The following PDE10A variants were observed in gnomAD, a reference collection of about 807,000 sequenced individuals.
The protein encoded by PDE10A is phosphodiesterase 10A.
PDE10A carries 39 observed loss-of-function variants against 97.7 expected under a neutral mutation model. That is an observed-to-expected ratio of 0.40 (90% CI 0.31 to 0.52). PDE10A has a LOEUF of 0.52. PDE10A is among the 20% of genes least tolerant of loss of function. The probability of loss-of-function intolerance (pLI) is 0.56; values close to 1 mark genes in which losing one functional copy is unlikely to be tolerated. For synonymous variants in PDE10A, 371 were observed against 376.8 expected (o/e 0.98, Z 0.18); for missense variants, 731 against 1,047.8 (o/e 0.70, Z 4.17).
chr6:165,934,179 T>C (rs1235855339), intron 1 of PDE10A, among the ~76,000 whole-genome samples: 2 of 150,220 alleles, frequency 1.3e-5, no homozygotes, highest in African/African-American at 2.5e-5. Flanking sequence ...TTTGTACTTT[T>C]AGTGGAGATG....
At chr6:165,759,588 G>A (rs2128457702) in intron 1 of PDE10A, among the ~76,000 whole-genome samples, 1 of 152,310 alleles carries the variant, frequency 6.6e-6, no homozygotes, top group East Asian at 1.9e-4. Context: ...CTCTCCATGT[G>A]AAGAAAGGAA....
chr6:165,621,391 G>T (rs1788125989), intron 1 of PDE10A, among the ~76,000 whole-genome samples: 1 of 152,022 alleles, frequency 6.6e-6, no homozygotes, highest in Non-Finnish European at 1.5e-5. Context: ...ATTCTTTCTG[G>T]AATTGAAAAA....
rs1021099328 is a variant in PDE10A, at chr6:165,488,752, C to G, written c.995-6409G>C. Among the ~76,000 whole-genome samples, 10 of 152,086 alleles carry G rather than the reference C, an allele frequency of 6.6e-5. 1 individual carries two copies. The highest frequency in any genetic ancestry group is 2.4e-4 in the African/African-American group (10 of 41,420). The stretch of plus-strand genomic sequence containing the variant: ...GAAATAAACTCAGTGTGTTGCGGGG[C>G]ATGGTGGGTGTGAGCTGCAGGCTCC... On this transcript the variant is annotated intron_variant, in intron 2 of 21. Coordinates refer to ENST00000539869, the MANE Select transcript of PDE10A (RefSeq NM_001385079.1).
intron 1 of PDE10A, among the ~76,000 whole-genome samples, chr6:165,609,753 T>C (rs375942651): frequency 0.016 from 2,386 of 152,268 alleles, 50 homozygotes; most frequent in African/African-American, 0.051. Context: ...GAACTCCCAT[T>C]CACAATTGCT....
intron 1 of PDE10A, among the ~76,000 whole-genome samples, chr6:165,750,373 T>C (rs1792969497): frequency 6.6e-6 from 1 of 152,160 alleles, no homozygotes; most frequent in Non-Finnish European, 1.5e-5. Context: ...CTCTCAAAAG[T>C]GCCAGCTCAG....
intron 2 of PDE10A, among the ~76,000 whole-genome samples, chr6:165,521,440 G>C (rs1413302839): frequency 6.6e-6 from 1 of 152,196 alleles, no homozygotes; most frequent in African/African-American, 2.4e-5. Flanking sequence ...CAAAAGCTGG[G>C]ACAGGACTGA....
intron 1 of PDE10A, among the ~76,000 whole-genome samples, chr6:165,658,627 T>C (rs919421583): frequency 1.3e-5 from 2 of 152,228 alleles, no homozygotes; most frequent in Non-Finnish European, 2.9e-5. Flanking sequence ...AGACAACCTA[T>C]GTTATCTTTT....
In PDE10A at chr6:165,902,261, G is replaced by T. The variant is rs1392534525; in HGVS notation, c.-615+85268C>A. Among the ~76,000 whole-genome samples the T allele has an allele frequency of 2.6e-5, 4 of 152,226 alleles. No individual in the cohort carries two copies. In the South Asian group the frequency reaches 8.3e-4, roughly 31 times the overall value. The stretch of plus-strand genomic sequence containing the variant: ...CTGGCCACAGCCCTTGTTTCTCAGA[G>T]ATCTGCAAACAGATGCCATGATTTG... On this transcript the variant is annotated intron_variant, in intron 1 of 19. Coordinates refer to the PDE10A transcript ENST00000366882.
chr6:165,835,545 G>T (rs1197162553), intron 1 of PDE10A, among the ~76,000 whole-genome samples: 2 of 152,222 alleles, frequency 1.3e-5, no homozygotes, highest in Non-Finnish European at 2.9e-5. Context: ...GCTCGTGGAC[G>T]CCCACAGAGC....
At chr6:165,811,751 A>G (rs1779288917) in intron 1 of PDE10A, among the ~76,000 whole-genome samples, 1 of 152,154 alleles carries the variant, frequency 6.6e-6, no homozygotes, top group Non-Finnish European at 1.5e-5. Context: ...AGTTGAAATG[A>G]TCTGGTGTAT....
rs1189373947 is a variant in PDE10A at position 165,422,284 on chromosome 6, C to CACGCATACACACAT, written c.1654-3521_1654-3508dup. On this transcript the variant is annotated intron_variant, in intron 10 of 21. Coordinates refer to ENST00000539869, the MANE Select transcript of PDE10A (RefSeq NM_001385079.1). ...ATACACACACATACGCATACACACA[C>CACGCATACACACAT]ACGCATACACACATACGCATACACA... Among the ~76,000 whole-genome samples, 29 of 142,380 alleles carry CACGCATACACACAT rather than the reference C, an allele frequency of 2.0e-4. 1 individual carries two copies. The highest frequency in any genetic ancestry group is 3.8e-4 in the African/African-American group (14 of 37,322). 93.4% of individuals were successfully genotyped at this position (142,380 alleles called of 152,430 possible). A position where few individuals can be genotyped will look rare whatever the true frequency, so the allele number is the denominator to read the frequency against.
At chr6:165,346,738 C>G (rs1271981978) in intron 18 of PDE10A, among the ~76,000 whole-genome samples, 7 of 152,200 alleles carry the variant, frequency 4.6e-5, no homozygotes, top group African/African-American at 1.7e-4. Context: ...GCCACACACT[C>G]TGTAAACCTG....
At chr6:165,738,347 A>AT (rs1342930894) in intron 1 of PDE10A, among the ~76,000 whole-genome samples, 1 of 151,612 alleles carries the variant, frequency 6.6e-6, no homozygotes, top group Non-Finnish European at 1.5e-5. Context: ...TGAACTCATC[A>AT]TTTTTTATGG....
intron 1 of PDE10A, among the ~76,000 whole-genome samples, chr6:165,626,398 A>G (rs1788388165): frequency 6.6e-6 from 1 of 152,232 alleles, no homozygotes; most frequent in Non-Finnish European, 1.5e-5. Context: ...TGTTAACTCT[A>G]AAAGAAAACT....
intron 1 of PDE10A, among the ~76,000 whole-genome samples, chr6:165,722,099 A>G (rs187739961): frequency 1.3e-5 from 2 of 152,378 alleles, no homozygotes; most frequent in Admixed American, 1.3e-4. Flanking sequence ...AGTGGCACAG[A>G]ATTACTTACG....
At chr6:165,664,015 G>A (rs1403976933), upstream of PDE10A, among the ~76,000 whole-genome samples, 1 of 152,186 alleles carries the variant, frequency 6.6e-6, no homozygotes, top group Non-Finnish European at 1.5e-5. Context: ...CGCGCGGCGG[G>A]GCCACCATGG....
chr6:165,788,915 C>G (rs971772280), intron 1 of PDE10A, among the ~76,000 whole-genome samples: 4 of 152,120 alleles, frequency 2.6e-5, no homozygotes, highest in Non-Finnish European at 5.9e-5. Flanking sequence ...GCACCACCCC[C>G]AGTGTGTGCA....
rs1483820392 is a variant in PDE10A, at chr6:165,388,917, A to AG, written c.2455-465dup. On this transcript the variant is annotated intron_variant, in intron 16 of 21. Transcript: ENST00000539869. The surrounding 1 kb of genome is among the most constrained non-coding windows in gnomAD (Gnocchi z 4.0). ...TCGCATGTAAAAATGGCAAATATAT[A>AG]GAAAAAAAGGCAGAGCAGGCTAAAG... 6.6e-6 allele frequency among the ~76,000 whole-genome samples: 1 copy of AG among 152,238 alleles called. No individual in the cohort carries two copies. The highest frequency in any genetic ancestry group is 1.5e-5 in the Non-Finnish European group (1 of 68,044).
At chr6:165,601,876 G>A (rs894397764) in intron 1 of PDE10A, among the ~76,000 whole-genome samples, 4 of 151,952 alleles carry the variant, frequency 2.6e-5, no homozygotes, top group Admixed American at 6.6e-5. Context: ...ATCTACCACC[G>A]CAACATCTCA....
Sources: allele counts gnomAD v4.1 joint callset (sites outside exome capture counted in the v4.1 genomes callset), GRCh38; gene constraint gnomAD v4.1.1; non-coding constraint Gnocchi (gnomAD v3.1); transcripts MANE v1.5; gene names NCBI Gene and HGNC (gene_info 2026-07-23, HGNC 2026-07-21).